The following HBA1 variants were observed in gnomAD, a reference collection of about 807,000 sequenced individuals.
The protein encoded by HBA1 is hemoglobin subunit alpha 1.
HBA1 carries 3 observed loss-of-function variants against 7.8 expected under a neutral mutation model. The ratio of observed to expected loss-of-function variants is 0.38; its 90% CI spans 0.17 to 0.99. The LOEUF is 0.99. Ranked by LOEUF, HBA1 falls within the 50% of genes least tolerant of loss-of-function variation. HBA1 has a pLI of 0.38. For synonymous variants in HBA1, 32 were observed against 91.8 expected (o/e 0.35, Z 3.72); for missense variants, 67 against 194.6 (o/e 0.34, Z 3.90).
rs33984024 is a variant in HBA1 at position 177,026 on chromosome 16, G to A, written c.193G>A (p.Asp65Asn). The A allele has an allele frequency of 2.1e-6, 3 of 1,405,526 alleles. No individual in the cohort carries two copies. The highest frequency in any genetic ancestry group is 1.4e-5 in the African/African-American group (1 of 69,488). 87.1% of individuals were successfully genotyped at this position (1,405,526 alleles called of 1,614,324 possible). Residue 65 changes from aspartate to asparagine, a missense_variant, in exon 2 of 3, where the codon GAC becomes AAC. Coordinates refer to ENST00000320868, the MANE Select transcript of HBA1 (RefSeq NM_000558.5). ...TAAGGGCCACGGCAAGAAGGTGGCC[G>A]ACGCGCTGACCAACGCCGTGGCGCA... ...QVKGHGKKVA[D>N]ALTNAVAHVD...
chr16:177,144 G>T lies in HBA1; in HGVS notation c.300+11G>T. 3.1e-6 allele frequency: 5 copies of T among 1,600,946 alleles called. No homozygotes were observed. The highest frequency in any genetic ancestry group is 1.1e-5 in the South Asian group (1 of 90,464). ...CCGGTCAACTTCAAGGTGAGCGGCG[G>T]GCCGGGAGCGATCTGGGTCGAGGGG... On this transcript the variant is annotated intron_variant, in intron 2 of 2. Coordinates refer to ENST00000320868, the MANE Select transcript of HBA1 (RefSeq NM_000558.5).
In HBA1 at chr16:177,513, G is replaced by A; in HGVS notation, c.*102G>A. 1.4e-6 allele frequency: 2 copies of A among 1,460,858 alleles called. No homozygotes were observed. The highest frequency in any genetic ancestry group is 1.4e-5 in the African/African-American group (1 of 71,588). The allele number at this position is 1,460,858 out of a possible 1,614,324, so 90.5% of individuals were successfully genotyped here. The stretch of plus-strand genomic sequence containing the variant: ...CCCGTGGTCTTTGAATAAAGTCTGA[G>A]TGGGCGGCAGCCTGTGTGTGCCTGA... On this transcript the variant is annotated 3_prime_UTR_variant, in exon 3 of 3. Transcript: ENST00000320868.
chr16:176,778 A>AT lies in HBA1; in HGVS notation c.62_63insT (p.Ala22ArgfsTer36), dbSNP rs281864571. 8 of 1,583,840 alleles carry AT rather than the reference A, an allele frequency of 5.1e-6. No homozygotes were observed. Among genetic ancestry groups the AT allele is most frequent in the Non-Finnish European group, 6.0e-6 (7 of 1,164,930 alleles). ...GCCGCCTGGGGTAAGGTCGGCGCGC[A>AT]CGCTGGCGAGTATGGTGCGGAGGCC... On this transcript the variant is annotated frameshift_variant, in exon 1 of 3. Transcript: ENST00000320868. LOFTEE classifies it high-confidence loss of function.
chr16:177,390 G>A lies in HBA1; in HGVS notation c.408G>A (p.Val136=), dbSNP rs756921401. 1 of 1,613,772 alleles carries A rather than the reference G, an allele frequency of 6.2e-7. No individual in the cohort carries two copies. Among genetic ancestry groups the A allele is most frequent in the Non-Finnish European group, 8.5e-7 (1 of 1,179,976 alleles). Residue 136 remains valine (V), a synonymous_variant, in exon 3 of 3, where the codon GTG becomes GTA. Transcript: ENST00000320868. ...LDKFLASVST[V]LTSKYR ...AGTTCCTGGCTTCTGTGAGCACCGT[G>A]CTGACCTCCAAATACCGTTAAGCTG...
chr16:177,262 C>T, intron 2 of HBA1, 21 bp from the exon 3 acceptor site: 1 of 1,613,206 alleles, frequency 6.2e-7, no homozygotes, highest in South Asian at 1.1e-5. Flanking sequence ...CTCGGCCCCA[C>T]TGACCCTCTT....
chr16:177,172 A>T, intron 2 of HBA1, 39 bp downstream of exon 2: 1 of 1,610,230 alleles, frequency 6.2e-7, no homozygotes, highest in Non-Finnish European at 8.5e-7. Context: ...TCGAGGGGCG[A>T]GATGGCGCCT....
chr16:177,430 A>G lies in HBA1; in HGVS notation c.*19A>G, dbSNP rs376827361. 5.6e-6 allele frequency: 9 copies of G among 1,612,584 alleles called. No individual in the cohort carries two copies. The highest frequency in any genetic ancestry group is 2.2e-5 in the South Asian group (2 of 90,868). ...CCGTTAAGCTGGAGCCTCGGTGGCC[A>G]TGCTTCTTGCCCCTTGGGCCTCCCC... On this transcript the variant is annotated 3_prime_UTR_variant, in exon 3 of 3. Coordinates refer to ENST00000320868, the MANE Select transcript of HBA1 (RefSeq NM_000558.5).
Position 177,479 on chromosome 16 carries a change from AC to A in HBA1, c.*71del. On this transcript the variant is annotated 3_prime_UTR_variant, in exon 3 of 3. Coordinates refer to ENST00000320868, the MANE Select transcript of HBA1 (RefSeq NM_000558.5). ...CCCCAGCCCCTCCTCCCCTTCCTGC[AC>A]CCGTACCCCCGTGGTCTTTGAATAA... is the stretch of plus-strand genomic sequence containing the variant. The A allele has an allele frequency of 6.4e-7, 1 of 1,565,864 alleles. No homozygotes were observed. The highest frequency in any genetic ancestry group is 1.4e-5 in the African/African-American group (1 of 73,842).
chr16:177,259 C>G (rs2698755), intron 2 of HBA1, 24 bp from the exon 3 acceptor site: 28 of 1,611,474 alleles, frequency 1.7e-5, no homozygotes, highest in South Asian at 1.1e-4. Flanking sequence ...GCCCTCGGCC[C>G]CACTGACCCT....
chr16:177,345 G>A lies in HBA1; in HGVS notation c.363G>A (p.Ala121=). The A allele has an allele frequency of 6.2e-7, 1 of 1,613,310 alleles. No homozygotes were observed. Among genetic ancestry groups the A allele is most frequent in the Non-Finnish European group, 8.5e-7 (1 of 1,179,820 alleles). ...AAHLPAEFTP[A]VHASLDKFLA... ...ACCTCCCCGCCGAGTTCACCCCTGC[G>A]GTGCACGCCTCCCTGGACAAGTTCC... Residue 121 remains alanine (A), a synonymous_variant, in exon 3 of 3, where the codon GCG becomes GCA. Coordinates refer to ENST00000320868, the MANE Select transcript of HBA1 (RefSeq NM_000558.5).
Position 177,444 on chromosome 16 carries a change from T to G in HBA1, c.*33T>G. On this transcript the variant is annotated 3_prime_UTR_variant, in exon 3 of 3. Transcript: ENST00000320868. ...CCTCGGTGGCCATGCTTCTTGCCCC[T>G]TGGGCCTCCCCCCAGCCCCTCCTCC... is the stretch of plus-strand genomic sequence containing the variant. 1 of 1,610,242 alleles carries G rather than the reference T, an allele frequency of 6.2e-7. No homozygotes were observed. Among genetic ancestry groups the G allele is most frequent in the Non-Finnish European group, 8.5e-7 (1 of 1,178,372 alleles).
rs36062788 is a variant in HBA1, at chr16:177,006, G to A, written c.173G>A (p.Gly58Asp). Residue 58 changes from glycine (G) to aspartate (D), a missense_variant, in exon 2 of 3, where the codon GGC (glycine) becomes GAC (aspartate). Coordinates refer to ENST00000320868, the MANE Select transcript of HBA1 (RefSeq NM_000558.5). ...DLSHGSAQVKGHGKKVADALT... is the reference protein window; with the variant it reads ...DLSHGSAQVKDHGKKVADALT... ...AGCCACGGCTCTGCCCAGGTTAAGGGCCACGGCAAGAAGGTGGCCGACGCG... is the reference window on the plus strand; with the variant it reads ...AGCCACGGCTCTGCCCAGGTTAAGGACCACGGCAAGAAGGTGGCCGACGCG... The A allele has an allele frequency of 7.6e-7, 1 of 1,323,722 alleles. No individual in the cohort carries two copies. Among genetic ancestry groups the A allele is most frequent in the Non-Finnish European group, 1.1e-6 (1 of 951,586 alleles). The allele number at this position is 1,323,722 out of a possible 1,614,324, so 82.0% of individuals were successfully genotyped here.
intron 2 of HBA1, 23 bp from the exon 3 acceptor site, chr16:177,260 C>A: frequency 6.2e-7 from 1 of 1,613,212 alleles, no homozygotes; most frequent in Non-Finnish European, 8.5e-7. Flanking sequence ...CCCTCGGCCC[C>A]ACTGACCCTC....
chr16:177,450 C>G lies in HBA1; in HGVS notation c.*39C>G. 1 of 1,606,734 alleles carries G rather than the reference C, an allele frequency of 6.2e-7. No homozygotes were observed. Among genetic ancestry groups the G allele is most frequent in the South Asian group, 1.1e-5 (1 of 90,124 alleles). Reference sequence around the variant, plus strand: ...TGGCCATGCTTCTTGCCCCTTGGGCCTCCCCCCAGCCCCTCCTCCCCTTCC... The same window carrying G: ...TGGCCATGCTTCTTGCCCCTTGGGCGTCCCCCCAGCCCCTCCTCCCCTTCC... On this transcript the variant is annotated 3_prime_UTR_variant, in exon 3 of 3. Transcript: ENST00000320868.
intron 2 of HBA1, 59 bp from the exon 3 acceptor site, chr16:177,224 G>T: frequency 1.2e-6 from 2 of 1,612,284 alleles, no homozygotes; most frequent in Non-Finnish European, 1.7e-6. Flanking sequence ...GGGAGGTGTA[G>T]CGCAGGCGGC....
rs33991910 is a variant in HBA1 at position 177,406 on chromosome 16, C to G, written c.424C>G (p.Arg142Gly). Residue 142 changes from arginine (R) to glycine (G), a missense_variant, in exon 3 of 3, where the codon CGT (arginine) becomes GGT (glycine). By Grantham distance (125) the Arg-to-Gly change is moderately radical (BLOSUM62 -2). Coordinates refer to ENST00000320868, the MANE Select transcript of HBA1 (RefSeq NM_000558.5). ...SVSTVLTSKY[R>G] ...GAGCACCGTGCTGACCTCCAAATAC[C>G]GTTAAGCTGGAGCCTCGGTGGCCAT... 1.9e-6 allele frequency: 3 copies of G among 1,613,554 alleles called. No individual in the cohort carries two copies. Among genetic ancestry groups the G allele is most frequent in the African/African-American group, 1.3e-5 (1 of 74,948 alleles).
rs3180281 is a variant in HBA1, at chr16:177,048, C to A, written c.215C>A (p.Ala72Glu). The A allele has an allele frequency of 1.4e-6, 2 of 1,480,666 alleles. No individual in the cohort carries two copies. The highest frequency in any genetic ancestry group is 2.4e-5 in the South Asian group (2 of 84,398). The allele number at this position is 1,480,666 out of a possible 1,614,324, so 91.7% of individuals were successfully genotyped here. ...GCCGACGCGCTGACCAACGCCGTGG[C>A]GCACGTGGACGACATGCCCAACGCG... ...KVADALTNAV[A>E]HVDDMPNALS... The change falls in exon 2 of 3, where the codon GCG becomes GAG. Residue 72 changes from alanine (A) to glutamate (E), a missense_variant. Physicochemically the swap from Ala to Glu is moderately radical, Grantham distance 107 (BLOSUM62 -1). Transcript: ENST00000320868.
In HBA1 at chr16:177,094, G is replaced by A; in HGVS notation, c.261G>A (p.Leu87=). The change falls in exon 2 of 3, where the codon CTG becomes CTA. Residue 87 remains leucine (L), a synonymous_variant. Transcript: ENST00000320868. The part of the protein sequence containing the change: ...MPNALSALSD[L]HAHKLRVDPV... The stretch of plus-strand genomic sequence containing the variant: ...ACGCGCTGTCCGCCCTGAGCGACCT[G>A]CACGCGCACAAGCTTCGGGTGGACC... 6.4e-7 allele frequency: 1 copy of A among 1,553,862 alleles called. No individual in the cohort carries two copies. The highest frequency in any genetic ancestry group is 8.7e-7 in the Non-Finnish European group (1 of 1,152,526).
rs988252983 is a variant in HBA1, at chr16:177,280, C to A, written c.301-3C>A. The A allele has an allele frequency of 6.2e-7, 1 of 1,613,234 alleles. No individual in the cohort carries two copies. The highest frequency in any genetic ancestry group is 8.5e-7 in the Non-Finnish European group (1 of 1,179,906). ...GGCCCCACTGACCCTCTTCTCTGCA[C>A]AGCTCCTAAGCCACTGCCTGCTGGT... is the stretch of plus-strand genomic sequence containing the variant. On this transcript the variant is annotated splice_region_variant and splice_polypyrimidine_tract_variant and intron_variant, in intron 2 of 2. Transcript: ENST00000320868.
Sources: gnomAD v4.1 joint callset for allele counts on GRCh38, gnomAD v4.1.1 for gene constraint, MANE v1.5 for transcripts, NCBI Gene and HGNC (gene_info 2026-07-23, HGNC 2026-07-21) for gene names.